The following BEST4 variants were observed in gnomAD, a reference collection of about 807,000 sequenced individuals.
The protein encoded by BEST4 is bestrophin-4.
Under a neutral mutation model 47.1 loss-of-function variants are expected in BEST4, and 36 were observed. The ratio of observed to expected loss-of-function variants is 0.76; its 90% CI spans 0.59 to 1.01. The LOEUF is 1.01. Among genes scored for constraint, BEST4 ranks in the 50% least tolerant of loss-of-function variants. The probability of loss-of-function intolerance (pLI) is 0.00; values close to 1 mark genes in which losing one functional copy is unlikely to be tolerated. For missense variants in BEST4, 550 were observed against 648.6 expected (o/e 0.85, Z 1.65); for synonymous variants, 250 against 277.8 (o/e 0.90, Z 1.00).
At chr1:44,792,514 T>C (rs1651439111), upstream of BEST4, among the ~76,000 whole-genome samples, 1 of 151,560 alleles carries the variant, frequency 6.6e-6, no homozygotes, top group African/African-American at 2.4e-5. Flanking sequence ...GGTGAGTTAA[T>C]AGTATAAAGT....
rs762383507 is a variant in BEST4, at chr1:44,784,715, A to C, written c.1062T>G (p.Asp354Glu). The change falls in exon 8 of 9, where the codon GAT becomes GAG. Residue 354 changes from aspartate to glutamate, a missense_variant. This residue lies in a region of BEST4 where 255 missense variants were observed against 286.6 expected (regional missense o/e 0.89). Transcript: ENST00000372207. The surrounding 1 kb of genome is among the most constrained non-coding windows in gnomAD (Gnocchi z 6.2). ...TGTAGGGTGGCTGCGGCTGGTCCTCATCCCAGTACTGGTCCTTCTCAGCGG... is the reference window on the plus strand; with the variant it reads ...TGTAGGGTGGCTGCGGCTGGTCCTCCTCCCAGTACTGGTCCTTCTCAGCGG... ...LPPAEKDQYWDEDQPQPPYTV... is the reference protein window; with the variant it reads ...LPPAEKDQYWEEDQPQPPYTV... 5.6e-6 allele frequency: 9 copies of C among 1,608,952 alleles called. No homozygotes were observed. The African/African-American group carries it at 6.7e-5, about 12-fold the overall frequency.
chr1:44,785,366 C>T (rs1651181059), intron 5 of BEST4, 61 bp from the exon 6 acceptor site: 1 of 1,484,098 alleles, frequency 6.7e-7, no homozygotes, highest in Non-Finnish European at 9.1e-7. Context: ...AATGCTGCCC[C>T]TGCCTCTGAG....
In BEST4 at chr1:44,786,196, C is replaced by T. The variant is rs1162006117; in HGVS notation, c.514G>A (p.Glu172Lys). 6.2e-7 allele frequency: 1 copy of T among 1,613,930 alleles called. No individual in the cohort carries two copies. The highest frequency in any genetic ancestry group is 8.5e-7 in the Non-Finnish European group (1 of 1,179,910). The change falls in exon 4 of 9, where the codon GAG becomes AAG. Residue 172 changes from glutamate to lysine, a missense_variant. Coordinates refer to ENST00000372207, the MANE Select transcript of BEST4 (RefSeq NM_153274.3). This position sits in a 1 kb window ranked among gnomAD's most constrained non-coding sequence, Gnocchi z 4.9. ...FMSQEERKKF[E>K]SLKSDFNKYW... ...TTGTTGAAGTCGGATTTCAGGCTCT[C>T]AAACTTTTTCCTCTCTTCCTGGGAC... is the stretch of plus-strand genomic sequence containing the variant.
In BEST4 at chr1:44,785,089, G is replaced by C. The variant is rs766462051; in HGVS notation, c.912+19C>G. 1.4e-5 allele frequency: 22 copies of C among 1,611,180 alleles called. No individual in the cohort carries two copies. The South Asian group carries it at 2.3e-4, about 17-fold the overall frequency. On this transcript the variant is annotated intron_variant, in intron 6 of 8. Coordinates refer to ENST00000372207, the MANE Select transcript of BEST4 (RefSeq NM_153274.3). ...ACATCTCCACAGAGCAGGCTGGCAT[G>C]CCCATCTGCAGTGCCCACCTTGAGC...
At chr1:44,785,719 G>C in intron 4 of BEST4, 43 bp from the exon 5 acceptor site, 2 of 1,507,996 alleles carry the variant, frequency 1.3e-6, no homozygotes, top group Non-Finnish European at 1.8e-6. Context: ...AGGTGAGGAA[G>C]GAACAGGGGT....
downstream of BEST4, among the ~76,000 whole-genome samples, chr1:44,783,234 C>T (rs12028334): frequency 6.6e-6 from 1 of 152,310 alleles, no homozygotes; most frequent in East Asian, 1.9e-4. Context: ...GGATTACAGG[C>T]GTGAGCCACT....
At position 44,786,063 on chromosome 1, in the gene BEST4, A is replaced by G. The variant is rs1265159394; in HGVS notation, c.636+11T>C. ...AGGAGGGCAGATGGGTCTGGTCCTG[A>G]GCCCACTCACTTCCAAAAGTAGACA... On this transcript the variant is annotated intron_variant, in intron 4 of 8. Transcript: ENST00000372207. This position sits in a 1 kb window ranked among gnomAD's most constrained non-coding sequence, Gnocchi z 4.9. The G allele has an allele frequency of 6.3e-7, 1 of 1,594,288 alleles. No individual in the cohort carries two copies. The highest frequency in any genetic ancestry group is 1.1e-5 in the South Asian group (1 of 88,690).
chr1:44,785,743 T>G, intron 4 of BEST4, 67 bp from the exon 5 acceptor site: 2 of 1,381,214 alleles, frequency 1.4e-6, no homozygotes, highest in Non-Finnish European at 2.0e-6. Context: ...CAGCACAAAC[T>G]AGGCCTGGGC....
chr1:44,787,370 A>G lies in BEST4; in HGVS notation c.247+2T>C. On this transcript the variant is annotated splice_donor_variant, in intron 2 of 8. Transcript: ENST00000372207. LOFTEE classifies it high-confidence loss of function. Reference sequence around the variant, plus strand: ...ACAGGGAAAACTAGAAGGGAGCCTTACCCAATACAAAGGACAAGGGAATGA... The same window carrying G: ...ACAGGGAAAACTAGAAGGGAGCCTTGCCCAATACAAAGGACAAGGGAATGA... 1 of 1,613,920 alleles carries G rather than the reference A, an allele frequency of 6.2e-7. No individual in the cohort carries two copies. The highest frequency in any genetic ancestry group is 1.1e-5 in the South Asian group (1 of 91,074).
chr1:44,791,267 G>A (rs1651406556), upstream of BEST4, among the ~76,000 whole-genome samples: 1 of 151,816 alleles, frequency 6.6e-6, no homozygotes, highest in Non-Finnish European at 1.5e-5. Flanking sequence ...TGTGTGTCCA[G>A]GACCTGACCT....
downstream of BEST4, among the ~76,000 whole-genome samples, chr1:44,783,013 A>G (rs1323167167): frequency 1.3e-5 from 2 of 151,596 alleles, no homozygotes; most frequent in African/African-American, 4.8e-5. Context: ...AGAGTGCAGT[A>G]GAGTGATCTT....
At chr1:44,787,143 C>A in intron 2 of BEST4, among the ~76,000 whole-genome samples, 1 of 105,016 alleles carries the variant, frequency 9.5e-6, no homozygotes. Context: ...TTGAGTAATT[C>A]TTTTTTTTTT....
upstream of BEST4, among the ~76,000 whole-genome samples, chr1:44,792,438 A>C (rs1651436722): frequency 6.6e-6 from 1 of 151,578 alleles, no homozygotes; most frequent in Non-Finnish European, 1.5e-5. Context: ...AAAAAAAAAA[A>C]AAAAAAATTC....
Position 44,786,665 on chromosome 1 carries a change from C to G in BEST4, c.279G>C (p.Trp93Cys). The part of the protein sequence containing the change: ...GFYVTLVVNR[W>C]WSQYTSIPLP... ...GCGGGATGCTTGTGTACTGGGACCA[C>G]CAGCGGTTCACCACGAGAGTCACAT... The change falls in exon 3 of 9, where the codon TGG becomes TGC. Residue 93 changes from tryptophan to cysteine, a missense_variant. Trp to Cys is a radical substitution (Grantham distance 215). Around this residue, in one of 3 missense-constraint regions of BEST4, gnomAD observed 291 missense variants for 342.4 expected, o/e 0.85. Transcript: ENST00000372207. This position sits in a 1 kb window ranked among gnomAD's most constrained non-coding sequence, Gnocchi z 4.9. 6.4e-7 allele frequency: 1 copy of G among 1,551,446 alleles called. No individual in the cohort carries two copies. Among genetic ancestry groups the G allele is most frequent in the Non-Finnish European group, 8.7e-7 (1 of 1,146,848 alleles).
At chr1:44,788,329 C>T (rs1261937138), upstream of BEST4, among the ~76,000 whole-genome samples, 1 of 152,298 alleles carries the variant, frequency 6.6e-6, no homozygotes, top group Non-Finnish European at 1.5e-5. Context: ...GGCTGGCCTT[C>T]GAGTGGCAGA....
chr1:44,782,343 A>G (rs1039861555), downstream of BEST4, among the ~76,000 whole-genome samples: 1 of 150,568 alleles, frequency 6.6e-6, no homozygotes, highest in African/African-American at 2.4e-5. Flanking sequence ...AATATTCACT[A>G]TTGGCTAGAC....
chr1:44,790,133 A>G (rs1035639920), upstream of BEST4, among the ~76,000 whole-genome samples: 1 of 152,196 alleles, frequency 6.6e-6, no homozygotes, highest in Admixed American at 6.5e-5. Context: ...TGCTGTTACT[A>G]TGAAAATTTG....
chr1:44,786,824 TCAG>T lies in BEST4; in HGVS notation c.248-131_248-129del, dbSNP rs550764798. 1.3e-3 allele frequency: 878 copies of T among 701,906 alleles called. No individual in the cohort carries two copies. The highest frequency in any genetic ancestry group is 1.8e-3 in the Non-Finnish European group (747 of 423,846). 43.5% of individuals were successfully genotyped at this position (701,906 alleles called of 1,614,324 possible). A position where few individuals can be genotyped will look rare whatever the true frequency, so the allele number is the denominator to read the frequency against. Reference sequence around the variant, plus strand: ...AATCGTGGCAGGGGGAAGGAAACATTCAGCTCCAGTGCCCTGCTGTGCGAGGCC... The same window carrying T: ...AATCGTGGCAGGGGGAAGGAAACATTCTCCAGTGCCCTGCTGTGCGAGGCC... On this transcript the variant is annotated intron_variant, in intron 2 of 8. Transcript: ENST00000372207. This position sits in a 1 kb window ranked among gnomAD's most constrained non-coding sequence, Gnocchi z 4.9.
In BEST4 at chr1:44,784,396, G is replaced by A. The variant is rs1326969040; in HGVS notation, c.1236C>T (p.Leu412=). ...RPAPAAQTPL[L]GRFLGVGAPS... is the part of the protein sequence containing the mutation. ...GCGCCCCTACGCCCAGGAAGCGGCC[G>A]AGCAACGGGGTCTGCGCGGCGGGCG... The change falls in exon 9 of 9, where the codon CTC becomes CTT. Residue 412 remains leucine, a synonymous_variant. Transcript: ENST00000372207. The surrounding 1 kb of genome is among the most constrained non-coding windows in gnomAD (Gnocchi z 6.2). 49 of 1,404,836 alleles carry A rather than the reference G, an allele frequency of 3.5e-5. No homozygotes were observed. Among genetic ancestry groups the A allele is most frequent in the Non-Finnish European group, 4.3e-5 (47 of 1,091,524 alleles). 87.0% of individuals were successfully genotyped at this position (1,404,836 alleles called of 1,614,324 possible). A position where few individuals can be genotyped will look rare whatever the true frequency, so the allele number is the denominator to read the frequency against.
Sources: gnomAD v4.1 joint callset for allele counts (sites outside exome capture counted in the v4.1 genomes callset) on GRCh38, gnomAD v4.1.1 for gene constraint, gnomAD v4.1.1 regional missense constraint, Gnocchi (gnomAD v3.1) non-coding constraint, MANE v1.5 for transcripts, NCBI Gene and HGNC (gene_info 2026-07-23, HGNC 2026-07-21) for gene names.